Variants in SMYD3 observed in about 807,000 individuals in gnomAD.
SMYD3 encodes the protein SET and MYND domain containing 3, also known as histone-lysine N-methyltransferase SMYD3.
In SMYD3, 36 loss-of-function variants were observed where a neutral mutation model predicts 57.7. The observed-to-expected ratio is 0.62, with a 90% confidence interval of 0.48 to 0.82. The LOEUF is 0.82. SMYD3 is among the 40% of genes least tolerant of loss of function. The probability of loss-of-function intolerance (pLI) is 0.00; values close to 1 mark genes in which losing one functional copy is unlikely to be tolerated. For missense variants in SMYD3, 515 were observed against 538.8 expected, an observed-to-expected ratio of 0.96 and a Z score of 0.44; for synonymous variants, 211 against 195.0, an observed-to-expected ratio of 1.08 and a Z score of -0.68.
chr1:245,931,402 G>A (rs1266619539), intron 5 of SMYD3, among the ~76,000 whole-genome samples: 2 of 152,154 alleles, frequency 1.3e-5, no homozygotes, highest in East Asian at 1.9e-4. Flanking sequence ...GATAATGCTC[G>A]AGTTTTTGGC....
intron 5 of SMYD3, among the ~76,000 whole-genome samples, chr1:245,980,773 C>G (rs557160972): frequency 6.6e-6 from 1 of 152,350 alleles, no homozygotes; most frequent in South Asian, 2.1e-4. Context: ...GTCTGGGAAA[C>G]AAATCCCTAC....
chr1:246,327,130 TG>T, intron 5 of SMYD3, 70 bp downstream of exon 5: 1 of 1,592,724 alleles, frequency 6.3e-7, no homozygotes, highest in Admixed American at 1.7e-5. Context: ...TCGACATTTT[TG>T]TAACTAACAA....
intron 10 of SMYD3, among the ~76,000 whole-genome samples, chr1:245,774,116 C>A (rs1279647233): frequency 6.6e-6 from 1 of 152,192 alleles, no homozygotes; most frequent in Non-Finnish European, 1.5e-5. Context: ...GATAGGAAGG[C>A]ATTGTCAGGC....
chr1:245,857,171 G>T (rs1313341454), intron 10 of SMYD3, among the ~76,000 whole-genome samples: 2 of 152,198 alleles, frequency 1.3e-5, no homozygotes, highest in Admixed American at 6.5e-5. Context: ...AGGCAGTGGA[G>T]GAAACCATCT....
intron 5 of SMYD3, among the ~76,000 whole-genome samples, chr1:246,046,439 C>A (rs2059965953): frequency 6.6e-6 from 1 of 151,756 alleles, no homozygotes; most frequent in South Asian, 2.1e-4. Context: ...AACACTTGGA[C>A]ACAGGAAGGG....
intron 1 of SMYD3, among the ~76,000 whole-genome samples, chr1:246,463,661 C>CAAAAAAAAA (rs35482116): frequency 2.0e-3 from 147 of 73,096 alleles, no homozygotes; most frequent in South Asian, 5.8e-3. Flanking sequence ...ACTAAAAATA[C>CAAAAAAAAA]AAAAAAAAAA....
chr1:245,791,528 G>A (rs773084446), intron 10 of SMYD3, among the ~76,000 whole-genome samples: 5 of 150,724 alleles, frequency 3.3e-5, no homozygotes, highest in African/African-American at 1.2e-4. Flanking sequence ...TGTGGAGCAC[G>A]GGTCAGCCAG....
At chr1:245,777,389 CA>C (rs2046649168) in intron 10 of SMYD3, among the ~76,000 whole-genome samples, 1 of 152,016 alleles carries the variant, frequency 6.6e-6, no homozygotes, top group Non-Finnish European at 1.5e-5. Flanking sequence ...CTAAGGTAGA[CA>C]AAAAATTGAG....
intron 1 of SMYD3, among the ~76,000 whole-genome samples, chr1:246,413,912 TC>T (rs2067016919): frequency 6.6e-6 from 1 of 152,190 alleles, no homozygotes; most frequent in African/African-American, 2.4e-5. Context: ...TTTTGTTTAG[TC>T]CACAAGTGAT....
At chr1:245,920,844 G>C (rs976277277) in intron 7 of SMYD3, among the ~76,000 whole-genome samples, 4 of 152,120 alleles carry the variant, frequency 2.6e-5, no homozygotes, top group African/African-American at 9.7e-5. Context: ...CACCCTAGAA[G>C]AAAACCTAAG....
At chr1:245,771,206 C>G (rs2046325067) in intron 10 of SMYD3, among the ~76,000 whole-genome samples, 1 of 151,748 alleles carries the variant, frequency 6.6e-6, no homozygotes, top group Admixed American at 6.6e-5. Context: ...GACAGCAAGT[C>G]ACAGATTAAA....
chr1:246,392,544 C>T (rs1423096096), intron 1 of SMYD3, among the ~76,000 whole-genome samples: 2 of 151,990 alleles, frequency 1.3e-5, no homozygotes, highest in Non-Finnish European at 2.9e-5. Flanking sequence ...ATCTCCTGTG[C>T]TCAAGCGATC....
intron 5 of SMYD3, among the ~76,000 whole-genome samples, chr1:246,249,513 G>GT (rs747502749): frequency 0.022 from 3,001 of 134,646 alleles, 47 homozygotes; most frequent in Middle Eastern, 0.038. Flanking sequence ...ATGGATCCTA[G>GT]TTTTTTGTTT....
intron 5 of SMYD3, among the ~76,000 whole-genome samples, chr1:246,145,850 C>T (rs139590864): frequency 6.6e-6 from 1 of 152,230 alleles, no homozygotes; most frequent in East Asian, 1.9e-4. Flanking sequence ...AATCCAAGAT[C>T]GAATCTGATA....
intron 1 of SMYD3, among the ~76,000 whole-genome samples, chr1:246,433,227 A>T (rs760282712): frequency 6.6e-6 from 1 of 152,230 alleles, no homozygotes; most frequent in Non-Finnish European, 1.5e-5. Context: ...ATAGACACAC[A>T]CACCAATATC....
intron 10 of SMYD3, among the ~76,000 whole-genome samples, chr1:245,803,738 A>G (rs1176978224): frequency 2.0e-5 from 3 of 152,178 alleles, no homozygotes; most frequent in Non-Finnish European, 4.4e-5. Flanking sequence ...AATGACAAAC[A>G]CACAAACCTA....
At chr1:245,816,431 A>G (rs2048804615) in intron 10 of SMYD3, among the ~76,000 whole-genome samples, 2 of 150,720 alleles carry the variant, frequency 1.3e-5, no homozygotes, top group Admixed American at 6.7e-5. Flanking sequence ...GACTGGAACA[A>G]TGCAATACTC....
At chr1:246,031,164 G>A (rs999697431) in intron 5 of SMYD3, among the ~76,000 whole-genome samples, 16 of 152,198 alleles carry the variant, frequency 1.1e-4, no homozygotes, top group African/African-American at 3.6e-4. Context: ...AATGTTTTAT[G>A]ACACTATTAT....
At chr1:245,826,462 G>C (rs1490236203) in intron 10 of SMYD3, among the ~76,000 whole-genome samples, 1 of 152,070 alleles carries the variant, frequency 6.6e-6, no homozygotes, top group Non-Finnish European at 1.5e-5. Flanking sequence ...CGATCCTCCT[G>C]CCTCAGCCTC....
Sources: gnomAD v4.1 joint callset for allele counts (sites outside exome capture counted in the v4.1 genomes callset) on GRCh38, gnomAD v4.1.1 for gene constraint, MANE v1.5 for transcripts, NCBI Gene and HGNC (gene_info 2026-07-23, HGNC 2026-07-21) for gene names.